EPB41L4A: variants seen among roughly 807,000 people sequenced by gnomAD.
EPB41L4A encodes erythrocyte membrane protein band 4.1 like 4A.
EPB41L4A carries 100 observed loss-of-function variants against 108.6 expected under a neutral mutation model. The observed-to-expected ratio is 0.92, with a 90% CI of 0.78 to 1.09. The LOEUF is 1.09. Among genes scored for constraint, EPB41L4A ranks in the 50% least tolerant of loss-of-function variants. EPB41L4A has a pLI of 0.00. For missense variants in EPB41L4A, 1,030 were observed against 842.7 expected (o/e 1.22, Z -2.75); for synonymous variants, 319 against 289.0 (o/e 1.10, Z -1.05).
At chr5:112,347,574 G>A (rs1004527432) in intron 1 of EPB41L4A, among the ~76,000 whole-genome samples, 8 of 152,140 alleles carry the variant, frequency 5.3e-5, no homozygotes, top group African/African-American at 1.9e-4. Context: ...GAGTTTGTAT[G>A]AAAACTTGCT....
intron 2 of EPB41L4A, among the ~76,000 whole-genome samples, chr5:112,297,449 T>C (rs1754069653): frequency 6.6e-6 from 1 of 152,156 alleles, no homozygotes. Flanking sequence ...TTTCGAGAAT[T>C]GTCCACTCAT....
chr5:112,356,920 T>C (rs759574973), intron 1 of EPB41L4A, among the ~76,000 whole-genome samples: 1 of 152,204 alleles, frequency 6.6e-6, no homozygotes, highest in African/African-American at 2.4e-5. Flanking sequence ...TAAAATAAAA[T>C]AGACACAATA....
At chr5:112,228,792 A>C in intron 12 of EPB41L4A, 2 of 964,690 alleles carry the variant, frequency 2.1e-6, no homozygotes, top group Non-Finnish European at 2.5e-6. Context: ...GCTTTACCCA[A>C]GCTCCTCTGA....
intron 1 of EPB41L4A, among the ~76,000 whole-genome samples, chr5:112,309,936 C>T (rs1754941896): frequency 6.6e-6 from 1 of 152,166 alleles, no homozygotes; most frequent in African/African-American, 2.4e-5. Context: ...GAACCTCAGT[C>T]CTACAACCAC....
chr5:112,207,754 T>G (rs1483101142), intron 13 of EPB41L4A, among the ~76,000 whole-genome samples: 2 of 151,988 alleles, frequency 1.3e-5, no homozygotes, highest in Admixed American at 6.6e-5. Flanking sequence ...TACCTATTAT[T>G]AAAAAGACAA....
At chr5:112,262,682 AC>A (rs1751579849) in intron 6 of EPB41L4A, 101 bp from the exon 7 acceptor site, 3 of 1,001,848 alleles carry the variant, frequency 3.0e-6, no homozygotes, top group African/African-American at 1.6e-5. Flanking sequence ...AACAAATAAT[AC>A]TTTTTACTAA....
intron 1 of EPB41L4A, among the ~76,000 whole-genome samples, chr5:112,373,768 G>C (rs745399857): frequency 1.3e-5 from 2 of 152,220 alleles, no homozygotes; most frequent in Non-Finnish European, 2.9e-5. Flanking sequence ...CAGGGAGACA[G>C]TGAAACAACT....
intron 1 of EPB41L4A, among the ~76,000 whole-genome samples, chr5:112,342,379 G>A (rs561097694): frequency 4.6e-5 from 7 of 152,290 alleles, no homozygotes; most frequent in Middle Eastern, 3.4e-3. Flanking sequence ...TTCACAGAAT[G>A]CTTTATTCAT....
At chr5:112,210,170 A>G in intron 12 of EPB41L4A, 188 bp from the exon 13 acceptor site, 1 of 460,310 alleles carries the variant, frequency 2.2e-6, no homozygotes, top group Non-Finnish European at 3.8e-6. Flanking sequence ...CGTGTACTAA[A>G]CCCTCAACAT....
At chr5:112,165,524 G>T (rs942243521) in intron 22 of EPB41L4A, among the ~76,000 whole-genome samples, 5 of 152,112 alleles carry the variant, frequency 3.3e-5, no homozygotes, top group Non-Finnish European at 7.4e-5. Context: ...ACAATGTCTT[G>T]TGAGCCCCTA....
Position 112,340,594 on chromosome 5 carries a change from A to G in EPB41L4A, c.100-33104T>C, listed in dbSNP as rs187090267. Among the ~76,000 whole-genome samples the G allele has an allele frequency of 3.9e-5, 6 of 152,336 alleles. No individual in the cohort carries two copies. In the East Asian group the frequency reaches 1.2e-3, roughly 29 times the overall value. On this transcript the variant is annotated intron_variant, in intron 1 of 22. Transcript: ENST00000261486. Reference sequence around the variant, plus strand: ...CTCATATAAAGACTAAATAGCAATAAAAACAGATCCCTGCTCTGTAGAACA... The same window carrying G: ...CTCATATAAAGACTAAATAGCAATAGAAACAGATCCCTGCTCTGTAGAACA...
intron 1 of EPB41L4A, among the ~76,000 whole-genome samples, chr5:112,360,338 G>A (rs1399459504): frequency 6.6e-6 from 1 of 152,106 alleles, no homozygotes; most frequent in East Asian, 1.9e-4. Flanking sequence ...AGGCTGGACT[G>A]TACTGCCGCC....
At chr5:112,201,551 A>T (rs13158835) in intron 15 of EPB41L4A, among the ~76,000 whole-genome samples, 10 of 152,062 alleles carry the variant, frequency 6.6e-5, no homozygotes, top group African/African-American at 2.4e-4. Context: ...CAACATGTGT[A>T]ATTATTTTAT....
chr5:112,144,663 G>C (rs1404518746), intron 13 of EPB41L4A, among the ~76,000 whole-genome samples: 1 of 152,178 alleles, frequency 6.6e-6, no homozygotes, highest in Non-Finnish European at 1.5e-5. Context: ...TTGTGAGCTG[G>C]ATCGTAGGAT....
chr5:112,282,180 C>T (rs1019490167), intron 2 of EPB41L4A, among the ~76,000 whole-genome samples: 1 of 152,134 alleles, frequency 6.6e-6, no homozygotes, highest in Admixed American at 6.5e-5. Flanking sequence ...TTATGATCCC[C>T]AGGGAAAGTG....
chr5:112,249,267 C>T (rs1451457758), intron 9 of EPB41L4A: 1 of 152,118 alleles, frequency 6.6e-6, no homozygotes, highest in African/African-American at 2.4e-5. Flanking sequence ...ACAAGATTTA[C>T]ATTAACTCGC....
Position 112,384,815 on chromosome 5 carries a change from A to G in EPB41L4A, c.99+34126T>C, listed in dbSNP as rs1760399033. Among the ~76,000 whole-genome samples, 6 of 152,098 alleles carry G rather than the reference A, an allele frequency of 3.9e-5. No homozygotes were observed. In the South Asian group the frequency reaches 1.2e-3, roughly 32 times the overall value. On this transcript the variant is annotated intron_variant, in intron 1 of 22. Transcript: ENST00000261486. ...AAAAAAGGAAGGAAGTTAAAAGAAA[A>G]GAAAAGAAATAATGGAATCACAATG...
chr5:112,337,951 T>C (rs1350176473), intron 1 of EPB41L4A, among the ~76,000 whole-genome samples: 2 of 152,010 alleles, frequency 1.3e-5, no homozygotes, highest in African/African-American at 4.8e-5. Flanking sequence ...ACTGGGCACA[T>C]GGAAAGACAA....
At chr5:112,280,173 C>G in intron 3 of EPB41L4A, 99 bp downstream of exon 3, 1 of 997,832 alleles carries the variant, frequency 1.0e-6, no homozygotes, top group South Asian at 1.3e-5. Flanking sequence ...GTATTCACTT[C>G]TTTCTCCAGT....
Sources: gnomAD v4.1 joint callset for allele counts (sites outside exome capture counted in the v4.1 genomes callset) on GRCh38, gnomAD v4.1.1 for gene constraint, MANE v1.5 for transcripts, NCBI Gene and HGNC (gene_info 2026-07-23, HGNC 2026-07-21) for gene names.